The following SPRED2 variants were observed in gnomAD, a reference collection of about 807,000 sequenced individuals.
SPRED2 encodes the protein sprouty-related, EVH1 domain-containing protein 2.
In SPRED2, 47 loss-of-function variants were observed where a neutral mutation model predicts 43.0. The observed-to-expected ratio is 1.09, with a 90% CI of 0.87 to 1.40. The LOEUF (loss-of-function observed/expected upper bound fraction) is 1.40. Ranked by LOEUF, SPRED2 falls within the 40% of genes most tolerant of loss-of-function variation. The pLI is 0.00. For synonymous variants in SPRED2, 225 were observed against 225.7 expected (o/e 1.00, Z 0.03); for missense variants, 561 against 586.4 (o/e 0.96, Z 0.45).
chr2:65,378,321 T>C (rs1675293004), intron 1 of SPRED2, among the ~76,000 whole-genome samples: 2 of 152,228 alleles, frequency 1.3e-5, no homozygotes, highest in Non-Finnish European at 2.9e-5. Flanking sequence ...TTAGGTGTGA[T>C]CATGGTATTG....
chr2:65,338,163 C>G (rs1238160941), intron 2 of SPRED2, among the ~76,000 whole-genome samples: 1 of 65,108 alleles, frequency 1.5e-5, no homozygotes, highest in Admixed American at 2.6e-4. Context: ...TCCCGTCTCC[C>G]TCTCCCGTCT....
downstream of SPRED2, chr2:65,308,250 C>T (rs1461417475): frequency 2.1e-6 from 2 of 953,300 alleles, no homozygotes; most frequent in African/African-American, 1.8e-5. Flanking sequence ...TGCTCTGACC[C>T]AGGGCAAGTG....
rs548835164 is a variant in SPRED2 at position 65,362,025 on chromosome 2, G to T, written c.27-17129C>A. Among the ~76,000 whole-genome samples, 4 of 152,362 alleles carry T rather than the reference G, an allele frequency of 2.6e-5. No homozygotes were observed. In the South Asian group the frequency reaches 8.3e-4, roughly 32 times the overall value. On this transcript the variant is annotated intron_variant, in intron 1 of 5. Transcript: ENST00000356388. ...AATCTAGCTTGGACATCTCCAATCT[G>T]AAGAATCTTTACAAATGAATGAATG...
intron 1 of SPRED2, among the ~76,000 whole-genome samples, chr2:65,394,425 G>A (rs551315382): frequency 6.6e-6 from 1 of 152,270 alleles, no homozygotes; most frequent in East Asian, 1.9e-4. Context: ...GGGCTTAATG[G>A]ACCTTCCATT....
intron 1 of SPRED2, chr2:65,373,851 G>T (rs1367766448): frequency 6.6e-6 from 1 of 152,196 alleles, no homozygotes; most frequent in East Asian, 1.9e-4. Flanking sequence ...AGGGGGTAGA[G>T]ATAAGGATTA....
intron 4 of SPRED2, among the ~76,000 whole-genome samples, chr2:65,331,681 A>C (rs1444685575): frequency 6.6e-6 from 1 of 152,218 alleles, no homozygotes; most frequent in Non-Finnish European, 1.5e-5. Flanking sequence ...ACCAGGACAG[A>C]CTTGGGCAAA....
downstream of SPRED2, chr2:65,308,691 C>T (rs1672990806): frequency 2.1e-6 from 1 of 478,248 alleles, no homozygotes; most frequent in African/African-American, 2.1e-5. Context: ...AGGTATTATC[C>T]CACTTGTTAA....
intron 1 of SPRED2, among the ~76,000 whole-genome samples, chr2:65,404,162 C>G (rs940627294): frequency 1.2e-4 from 18 of 151,278 alleles, no homozygotes; most frequent in African/African-American, 4.4e-4. Context: ...GCCGAGATCA[C>G]GCCACTGCAC....
At chr2:65,413,246 C>G (rs1316422079) in intron 1 of SPRED2, among the ~76,000 whole-genome samples, 1 of 152,198 alleles carries the variant, frequency 6.6e-6, no homozygotes, top group Non-Finnish European at 1.5e-5. Flanking sequence ...GTGGTGCAGG[C>G]TCCATTAAGG....
At chr2:65,421,540 A>C (rs1160615619) in intron 1 of SPRED2, among the ~76,000 whole-genome samples, 1 of 152,184 alleles carries the variant, frequency 6.6e-6, no homozygotes, top group African/African-American at 2.4e-5. Context: ...TCCCCACAAA[A>C]CAGCAAGGCT....
intron 1 of SPRED2, among the ~76,000 whole-genome samples, chr2:65,427,443 C>A (rs887127494): frequency 1.5e-4 from 23 of 152,024 alleles, no homozygotes; most frequent in Non-Finnish European, 1.2e-4. Context: ...AGAACCATAC[C>A]CCCTGGTAGA....
intron 1 of SPRED2, among the ~76,000 whole-genome samples, chr2:65,386,145 C>T (rs1191140353): frequency 2.0e-5 from 3 of 151,894 alleles, no homozygotes; most frequent in African/African-American, 4.8e-5. Flanking sequence ...ATTAGCTGGG[C>T]GTGGTAGCGG....
chr2:65,345,069 A>G (rs1674310174), intron 1 of SPRED2, among the ~76,000 whole-genome samples, 173 bp from the exon 2 acceptor site: 4 of 152,178 alleles, frequency 2.6e-5, no homozygotes, highest in Admixed American at 2.6e-4. Flanking sequence ...GGAAAAAACA[A>G]AACACTTAAA....
chr2:65,351,432 C>A (rs181511539), intron 1 of SPRED2, among the ~76,000 whole-genome samples: 3 of 152,218 alleles, frequency 2.0e-5, no homozygotes, highest in Admixed American at 2.0e-4. Flanking sequence ...CTTTATCTCT[C>A]CATTATGCTC....
At chr2:65,420,035 C>G (rs1676384293) in intron 1 of SPRED2, among the ~76,000 whole-genome samples, 1 of 151,862 alleles carries the variant, frequency 6.6e-6, no homozygotes, top group Admixed American at 6.6e-5. Context: ...CATGGTGAAA[C>G]CCCTCCTCTA....
At chr2:65,378,935 G>A (rs1437132871) in intron 1 of SPRED2, among the ~76,000 whole-genome samples, 2 of 152,116 alleles carry the variant, frequency 1.3e-5, no homozygotes, top group Non-Finnish European at 2.9e-5. Flanking sequence ...AGATATCAAG[G>A]GTAAGCGAAT....
intron 3 of SPRED2, chr2:65,332,296 C>T (rs564553362): frequency 8.0e-5 from 28 of 352,102 alleles, no homozygotes; most frequent in Admixed American, 1.3e-4. Context: ...CTTCTGCACT[C>T]GCTGCTAGAG....
intron 1 of SPRED2, 87 bp from the exon 2 acceptor site, chr2:65,344,983 C>T: frequency 7.5e-7 from 1 of 1,328,456 alleles, no homozygotes; most frequent in Non-Finnish European, 1.0e-6. Flanking sequence ...GACCACCAGC[C>T]AGCACTTTTT....
At chr2:65,390,311 T>C (rs559970623) in intron 1 of SPRED2, among the ~76,000 whole-genome samples, 38 of 152,296 alleles carry the variant, frequency 2.5e-4, no homozygotes, top group African/African-American at 9.1e-4. Context: ...AACTCTGCCA[T>C]GGAAATCCCC....
Sources: allele counts gnomAD v4.1 joint callset (sites outside exome capture counted in the v4.1 genomes callset), GRCh38; gene constraint gnomAD v4.1.1; transcripts MANE v1.5; gene names NCBI Gene and HGNC (gene_info 2026-07-23, HGNC 2026-07-21).